The following TUSC3 variants were observed in gnomAD, a reference collection of about 807,000 sequenced individuals.
The protein encoded by TUSC3 is tumor suppressor candidate 3, also known as dolichyl-diphosphooligosaccharide--protein glycosyltransferase subunit TUSC3.
Under a neutral mutation model 44.8 loss-of-function variants are expected in TUSC3, and 45 were observed. The observed-to-expected ratio is 1.00, with a 90% confidence interval of 0.79 to 1.29. The LOEUF (loss-of-function observed/expected upper bound fraction) is 1.29, where lower values mean the gene tolerates loss of function less well. Among genes scored for constraint, TUSC3 ranks in the 50% most tolerant of loss-of-function variants. TUSC3 has a pLI of 0.00. For missense variants in TUSC3, 519 were observed against 437.9 expected (o/e 1.19, Z -1.65); for synonymous variants, 212 against 152.9 (o/e 1.39, Z -2.85).
chr8:15,730,028 A>G (rs1447602151), intron 6 of TUSC3, among the ~76,000 whole-genome samples: 1 of 152,140 alleles, frequency 6.6e-6, no homozygotes, highest in African/African-American at 2.4e-5. Context: ...ATTTAAAACA[A>G]CTGCACAGTC....
intron 1 of TUSC3, among the ~76,000 whole-genome samples, chr8:15,473,770 A>C: frequency 6.6e-6 from 1 of 152,332 alleles, no homozygotes; most frequent in East Asian, 1.9e-4. Flanking sequence ...AACAAAGATC[A>C]CATGCTTCTG....
At chr8:15,423,784 G>A (rs989330382) in intron 1 of TUSC3, among the ~76,000 whole-genome samples, 1 of 151,942 alleles carries the variant, frequency 6.6e-6, no homozygotes, top group Non-Finnish European at 1.5e-5. Context: ...AATGGAAATT[G>A]TCCTGATATC....
chr8:15,846,889 A>C, the TUSC3 span, among the ~76,000 whole-genome samples: 1,537 of 150,432 alleles, frequency 0.01, 34 homozygotes, highest in African/African-American at 0.035. Context: ...AAAAAAAAAA[A>C]ACACACACAC....
intron 1 of TUSC3, among the ~76,000 whole-genome samples, chr8:15,609,380 A>T (rs2129158157): frequency 6.6e-6 from 1 of 152,294 alleles, no homozygotes; most frequent in South Asian, 2.1e-4. Context: ...CTGGATCTGT[A>T]TTCCCAAGAG....
At chr8:15,568,449 TA>T (rs2129142405) in intron 1 of TUSC3, among the ~76,000 whole-genome samples, 1 of 152,290 alleles carries the variant, frequency 6.6e-6, no homozygotes, top group African/African-American at 2.4e-5. Flanking sequence ...CATACCTTAT[TA>T]CTATATGAAC....
At chr8:15,757,434 G>A (rs1210393264) in intron 9 of TUSC3, among the ~76,000 whole-genome samples, 1 of 152,140 alleles carries the variant, frequency 6.6e-6, no homozygotes, top group Non-Finnish European at 1.5e-5. Context: ...CATGTAGAGG[G>A]TATAGCAATT....
Position 15,766,550 on chromosome 8 carries a change from G to A in TUSC3, c.*2394G>A, listed in dbSNP as rs1047339268. 2 of 152,048 alleles carry A rather than the reference G, an allele frequency of 1.3e-5. No homozygotes were observed. The highest frequency in any genetic ancestry group is 2.9e-5 in the Non-Finnish European group (2 of 67,980). The allele number at this position is 152,048 out of a possible 1,614,324, so 9.4% of individuals were successfully genotyped here. A position where few individuals can be genotyped will look rare whatever the true frequency, so the allele number is the denominator to read the frequency against. On this transcript the variant is annotated 3_prime_UTR_variant, in exon 11 of 11. Transcript: ENST00000503731. The stretch of plus-strand genomic sequence containing the variant: ...TCCCAATTATAAAATTCCACCTAAA[G>A]GAGTTTCATTTTGTAATAACATCTG...
In TUSC3 at chr8:15,671,925, A is replaced by G. The variant is rs568096270; in HGVS notation, c.709-1822A>G. 3.9e-5 allele frequency among the ~76,000 whole-genome samples: 6 copies of G among 152,134 alleles called. No homozygotes were observed. In the East Asian group the frequency reaches 9.7e-4, roughly 25 times the overall value. ...GCCTCTTTATCTTATTCATTCTTAC[A>G]TCTCTAGAGTCCAGTAACATACCTG... On this transcript the variant is annotated intron_variant, in intron 5 of 10. Coordinates refer to ENST00000503731, the MANE Select transcript of TUSC3 (RefSeq NM_006765.4).
At chr8:15,760,046 C>T (rs1006660913) in intron 10 of TUSC3, among the ~76,000 whole-genome samples, 35 of 152,170 alleles carry the variant, frequency 2.3e-4, no homozygotes, top group African/African-American at 6.7e-4. Flanking sequence ...AATTGTCTCC[C>T]GGTATCTAGT....
intron 1 of TUSC3, among the ~76,000 whole-genome samples, chr8:15,607,760 G>T (rs1383790864): frequency 6.6e-6 from 1 of 152,092 alleles, no homozygotes; most frequent in Admixed American, 6.6e-5. Context: ...TGCATAACAT[G>T]AACTATTGTT....
intron 2 of TUSC3, among the ~76,000 whole-genome samples, chr8:15,514,290 ATAGAATT>A: frequency 6.6e-6 from 1 of 152,344 alleles, no homozygotes; most frequent in African/African-American, 2.4e-5. Flanking sequence ...TTATTTCAAA[ATAGAATT>A]TAGATTTGTG....
At chr8:15,705,553 C>G (rs1432402534) in intron 6 of TUSC3, among the ~76,000 whole-genome samples, 2 of 152,044 alleles carry the variant, frequency 1.3e-5, no homozygotes, top group Non-Finnish European at 2.9e-5. Context: ...AGCTACAAGA[C>G]TTACCTTTAA....
At chr8:15,456,428 T>A (rs1261386800) in intron 1 of TUSC3, among the ~76,000 whole-genome samples, 1 of 152,130 alleles carries the variant, frequency 6.6e-6, no homozygotes, top group Non-Finnish European at 1.5e-5. Context: ...AAAATGTATT[T>A]GGAAACGTAA....
At chr8:15,788,185 T>G in the TUSC3 span, among the ~76,000 whole-genome samples, 1 of 152,190 alleles carries the variant, frequency 6.6e-6, no homozygotes, top group Non-Finnish European at 1.5e-5. Flanking sequence ...GTTTAGACCT[T>G]GACCACTAAT....
intron 5 of TUSC3, among the ~76,000 whole-genome samples, chr8:15,663,936 A>G (rs958238074): frequency 1.3e-5 from 2 of 151,878 alleles, no homozygotes; most frequent in African/African-American, 4.8e-5. Context: ...AAATCTTGTC[A>G]CTATTTTAGT....
chr8:15,716,283 G>A (rs1810056583), intron 6 of TUSC3, among the ~76,000 whole-genome samples: 1 of 151,920 alleles, frequency 6.6e-6, no homozygotes, highest in African/African-American at 2.4e-5. Flanking sequence ...AATTCTAATT[G>A]AAGTTTTGTG....
intron 7 of TUSC3, among the ~76,000 whole-genome samples, chr8:15,734,905 G>A (rs1810868162): frequency 6.6e-6 from 1 of 152,150 alleles, no homozygotes; most frequent in Admixed American, 6.6e-5. Flanking sequence ...TGAAAGTTAG[G>A]TTAGGCTGGA....
rs1032691621 is a variant in TUSC3 at position 15,629,427 on chromosome 8, G to C, written c.308+6178G>C. On this transcript the variant is annotated intron_variant, in intron 2 of 10. Transcript: ENST00000503731. Reference sequence around the variant, plus strand: ...AAGGTGACAACTAAGATGAAAAGGTGAAGAGGAGTTTCTACAAATATTTTT... The same window carrying C: ...AAGGTGACAACTAAGATGAAAAGGTCAAGAGGAGTTTCTACAAATATTTTT... 2.6e-5 allele frequency among the ~76,000 whole-genome samples: 4 copies of C among 152,024 alleles called. No homozygotes were observed. The East Asian group carries it at 7.7e-4, about 29-fold the overall frequency.
chr8:15,677,735 C>T (rs1436983701), intron 6 of TUSC3, among the ~76,000 whole-genome samples: 1 of 152,152 alleles, frequency 6.6e-6, no homozygotes. Flanking sequence ...ACATAGCTAC[C>T]AGGGCCAAGC....
Sources: gnomAD v4.1 joint callset for allele counts (sites outside exome capture counted in the v4.1 genomes callset) on GRCh38, gnomAD v4.1.1 for gene constraint, MANE v1.5 for transcripts, NCBI Gene and HGNC (gene_info 2026-07-23, HGNC 2026-07-21) for gene names.